HHAT: variants seen among roughly 807,000 people sequenced by gnomAD.
The protein encoded by HHAT is protein-cysteine N-palmitoyltransferase HHAT.
Under a neutral mutation model 70.8 loss-of-function variants are expected in HHAT, and 47 were observed. The ratio of observed to expected loss-of-function variants is 0.66; its 90% CI spans 0.53 to 0.85. HHAT has a LOEUF of 0.85. Among genes scored for constraint, HHAT ranks in the 40% least tolerant of loss-of-function variants. The pLI, the probability that HHAT is intolerant of heterozygous loss-of-function variation, is 0.00. For missense variants in HHAT, 609 were observed against 604.8 expected, an observed-to-expected ratio of 1.01 and a Z score of -0.07; for synonymous variants, 228 against 247.6, an observed-to-expected ratio of 0.92 and a Z score of 0.74.
chr1:210,381,737 A>T (rs1425116974), intron 3 of HHAT, among the ~76,000 whole-genome samples: 1 of 152,222 alleles, frequency 6.6e-6, no homozygotes, highest in Admixed American at 6.5e-5. Flanking sequence ...AAACAGTGGA[A>T]CTATTCAGCA....
chr1:210,465,231 T>C (rs1358396407), intron 8 of HHAT, among the ~76,000 whole-genome samples: 1 of 152,238 alleles, frequency 6.6e-6, no homozygotes, highest in Non-Finnish European at 1.5e-5. Context: ...ATTCCTATGC[T>C]CTGTGGACAT....
chr1:210,586,582 T>G (rs1004456083), intron 9 of HHAT, among the ~76,000 whole-genome samples: 2 of 152,366 alleles, frequency 1.3e-5, no homozygotes, highest in South Asian at 4.1e-4. Flanking sequence ...TTGTTTAAAA[T>G]GCTGGGGCAG....
chr1:210,552,060 G>T (rs1013566010), intron 9 of HHAT, among the ~76,000 whole-genome samples: 4 of 152,072 alleles, frequency 2.6e-5, no homozygotes. Flanking sequence ...CAGTTGCTTC[G>T]TCTCCAGCAT....
intron 10 of HHAT, among the ~76,000 whole-genome samples, chr1:210,618,363 C>T (rs1298715280): frequency 2.0e-5 from 3 of 152,182 alleles, no homozygotes; most frequent in Non-Finnish European, 2.9e-5. Context: ...ACCAACCCCT[C>T]CCTTGCCATT....
chr1:210,338,838 T>C (rs1230029736), intron 1 of HHAT, among the ~76,000 whole-genome samples: 1 of 152,224 alleles, frequency 6.6e-6, no homozygotes, highest in African/African-American at 2.4e-5. Flanking sequence ...TGTATTTTTT[T>C]AGAAATCTGT....
chr1:210,460,898 G>T (rs760376113), intron 7 of HHAT, among the ~76,000 whole-genome samples: 1 of 152,100 alleles, frequency 6.6e-6, no homozygotes, highest in Non-Finnish European at 1.5e-5. Flanking sequence ...TCCATTTGCC[G>T]TACCCTCTGC....
At chr1:210,644,797 A>G (rs1673702309) in intron 11 of HHAT, among the ~76,000 whole-genome samples, 1 of 152,044 alleles carries the variant, frequency 6.6e-6, no homozygotes, top group Admixed American at 6.6e-5. Context: ...TCTTTTCTAA[A>G]CATTTAACCA....
At chr1:210,457,429 A>C (rs577400333) in intron 7 of HHAT, among the ~76,000 whole-genome samples, 6 of 152,228 alleles carry the variant, frequency 3.9e-5, no homozygotes, top group Non-Finnish European at 8.8e-5. Flanking sequence ...GGACAAAGTA[A>C]AAGTTATTAG....
intron 7 of HHAT, among the ~76,000 whole-genome samples, chr1:210,460,567 C>CT (rs1285801273): frequency 6.6e-6 from 1 of 152,136 alleles, no homozygotes; most frequent in Non-Finnish European, 1.5e-5. Context: ...ATTCTTTTCT[C>CT]TTTTAACAGA....
At chr1:210,342,197 C>G (rs1037595813) in intron 1 of HHAT, among the ~76,000 whole-genome samples, 6 of 152,150 alleles carry the variant, frequency 3.9e-5, no homozygotes, top group Non-Finnish European at 8.8e-5. Context: ...CTCCCTGCCT[C>G]TTGGGTCTAC....
intron 10 of HHAT, among the ~76,000 whole-genome samples, chr1:210,619,264 A>C (rs948442117): frequency 1.3e-5 from 2 of 152,058 alleles, no homozygotes; most frequent in African/African-American, 4.8e-5. Flanking sequence ...AGTGATTCTA[A>C]TGAGCCCCAC....
chr1:210,547,200 G>A (rs2095491123), intron 9 of HHAT, among the ~76,000 whole-genome samples: 1 of 151,808 alleles, frequency 6.6e-6, no homozygotes, highest in African/African-American at 2.4e-5. Flanking sequence ...GTGGTGGCGA[G>A]CGCCTGTAAT....
At chr1:210,447,967 A>AG in intron 7 of HHAT, among the ~76,000 whole-genome samples, 1 of 152,108 alleles carries the variant, frequency 6.6e-6, no homozygotes, top group East Asian at 1.9e-4. Context: ...GCCACCTTGA[A>AG]GGGGATGTGG....
intron 8 of HHAT, among the ~76,000 whole-genome samples, chr1:210,507,902 T>TA (rs1034513971): frequency 2.0e-5 from 3 of 151,742 alleles, no homozygotes; most frequent in Non-Finnish European, 2.9e-5. Context: ...CACATTATGT[T>TA]AAAAAATCAT....
chr1:210,644,602 CAAAAAAAAA>C (rs57190952), intron 11 of HHAT, among the ~76,000 whole-genome samples: 1 of 64,024 alleles, frequency 1.6e-5, no homozygotes, highest in Admixed American at 2.0e-4. Flanking sequence ...GACTCCATCT[CAAAAAAAAA>C]AAAAAAAAAA....
intron 11 of HHAT, among the ~76,000 whole-genome samples, chr1:210,637,084 A>ATTTCTTACACAGTTCCTGGCATGTG: frequency 6.6e-6 from 1 of 152,226 alleles, no homozygotes; most frequent in East Asian, 1.9e-4. Flanking sequence ...AATAAATATA[A>ATTTCTTACACAGTTCCTGGCATGTG]CCTTACACAG....
In HHAT at chr1:210,464,590, T is replaced by C; in HGVS notation, c.942T>C (p.Asp314=). 1.9e-6 allele frequency: 3 copies of C among 1,614,190 alleles called. No individual in the cohort carries two copies. Among genetic ancestry groups the C allele is most frequent in the Non-Finnish European group, 2.5e-6 (3 of 1,180,014 alleles). ...TGCCTGCTCTGCTCATGCGCCTGGA[T>C]GGACTCACTCCACCCGCCCTCCCCC... ...FGVPALLMRL[D]GLTPPALPRC... is the part of the protein sequence containing the mutation. The change falls in exon 8 of 12, where the codon GAT becomes GAC. Residue 314 remains aspartate (D), a synonymous_variant. Transcript: ENST00000261458.
chr1:210,609,369 C>A (rs1194275404), intron 10 of HHAT, among the ~76,000 whole-genome samples: 1 of 151,386 alleles, frequency 6.6e-6, no homozygotes, highest in African/African-American at 2.4e-5. Flanking sequence ...TTTTATTTTT[C>A]CTTAAATAAA....
chr1:210,652,329 G>GGT (rs1675326954), intron 11 of HHAT, among the ~76,000 whole-genome samples: 1 of 152,166 alleles, frequency 6.6e-6, no homozygotes, highest in Non-Finnish European at 1.5e-5. Flanking sequence ...TCCTGTAGGT[G>GGT]GTGGCTCACT....
Sources: allele counts gnomAD v4.1 joint callset (sites outside exome capture counted in the v4.1 genomes callset), GRCh38; gene constraint gnomAD v4.1.1; transcripts MANE v1.5; gene names NCBI Gene and HGNC (gene_info 2026-07-23, HGNC 2026-07-21).